RBFOX1: variants seen among roughly 807,000 people sequenced by gnomAD.
The protein encoded by RBFOX1 is RNA binding protein fox-1 homolog 1.
A neutral mutation model predicts 57.7 loss-of-function variants in RBFOX1; 8 were observed. The observed-to-expected ratio is 0.14, with a 90% confidence interval of 0.08 to 0.25. The LOEUF is 0.25. RBFOX1 is among the 10% of genes least tolerant of loss of function. The pLI, the probability that RBFOX1 is intolerant of heterozygous loss-of-function variation, is 1.00. For missense variants in RBFOX1, 611 were observed against 548.5 expected (o/e 1.11, Z -1.14); for synonymous variants, 326 against 222.4 (o/e 1.47, Z -4.15).
chr16:5,504,613 G>A (rs1195260978), intron 2 of RBFOX1, among the ~76,000 whole-genome samples: 10 of 152,208 alleles, frequency 6.6e-5, no homozygotes, highest in Non-Finnish European at 1.3e-4. Flanking sequence ...TTGGCTCCCA[G>A]CAAGTAAACC....
chr16:7,380,093 A>C (rs886213740), intron 4 of RBFOX1, among the ~76,000 whole-genome samples: 1 of 152,130 alleles, frequency 6.6e-6, no homozygotes, highest in Non-Finnish European at 1.5e-5. Context: ...CTTGGCCTCA[A>C]GTAGTCCTCT....
intron 3 of RBFOX1, among the ~76,000 whole-genome samples, chr16:6,761,259 G>A (rs535240376): frequency 2.1e-4 from 32 of 152,142 alleles, no homozygotes; most frequent in South Asian, 1.7e-3. Context: ...AATTTAATCC[G>A]TCCGAAGGGC....
At chr16:6,636,071 T>G (rs141343113) in intron 2 of RBFOX1, among the ~76,000 whole-genome samples, 1 of 152,210 alleles carries the variant, frequency 6.6e-6, no homozygotes, top group African/African-American at 2.4e-5. Context: ...GTATTTTGAC[T>G]GCAGTCCATC....
rs141032312 is a variant in RBFOX1, at chr16:7,699,821, C to A, written c.996-9235C>A. Among the ~76,000 whole-genome samples, 418 of 152,032 alleles carry A rather than the reference C, an allele frequency of 2.7e-3. 2 individuals carry two copies. Among genetic ancestry groups the A allele is most frequent in the African/African-American group, 9.5e-3 (394 of 41,476 alleles). On this transcript the variant is annotated intron_variant, in intron 14 of 15. Transcript: ENST00000550418. ...TGGCTTTTATTATGTTTCTCTCAAT[C>A]CCATTTTAGAACCACATTTTTCATT... is the stretch of plus-strand genomic sequence containing the variant.
intron 2 of RBFOX1, among the ~76,000 whole-genome samples, chr16:6,572,442 G>A (rs953193462): frequency 1.3e-5 from 2 of 152,100 alleles, no homozygotes; most frequent in African/African-American, 4.8e-5. Context: ...CCTTTGTTGG[G>A]CTCTTATCTA....
chr16:6,866,130 C>A (rs1389431845), intron 3 of RBFOX1, among the ~76,000 whole-genome samples: 1 of 152,082 alleles, frequency 6.6e-6, no homozygotes, highest in South Asian at 2.1e-4. Context: ...TTCCCCAGCT[C>A]TTTTTCTATC....
intron 1 of RBFOX1, among the ~76,000 whole-genome samples, chr16:6,029,978 A>G (rs1037401624): frequency 1.3e-5 from 2 of 152,010 alleles, no homozygotes; most frequent in African/African-American, 4.8e-5. Context: ...CAGTGATGCA[A>G]TCATGTCTCA....
rs1202677249 is a variant in RBFOX1 at position 5,946,090 on chromosome 16, C to G, written c.351+78755C>G. ...GACAGGGTTTTAATTAGTGGACTGACTTACCCGCTATTCTTGTCTTTTTAA... is the reference window on the plus strand; with the variant it reads ...GACAGGGTTTTAATTAGTGGACTGAGTTACCCGCTATTCTTGTCTTTTTAA... On this transcript the variant is annotated intron_variant, in intron 4 of 19. Transcript: ENST00000641259. The surrounding 1 kb of genome is among the most constrained non-coding windows in gnomAD (Gnocchi z 4.6). Among the ~76,000 whole-genome samples, 1 of 152,182 alleles carries G rather than the reference C, an allele frequency of 6.6e-6. No homozygotes were observed. Among genetic ancestry groups the G allele is most frequent in the East Asian group, 1.9e-4 (1 of 5,196 alleles).
intron 3 of RBFOX1, among the ~76,000 whole-genome samples, chr16:6,815,217 A>T (rs2089801621): frequency 6.6e-6 from 1 of 152,142 alleles, no homozygotes; most frequent in African/African-American, 2.4e-5. Flanking sequence ...TATAGTGAAG[A>T]GTGAGGATGA....
At chr16:6,896,270 CAT>C (rs1181714883) in intron 3 of RBFOX1, among the ~76,000 whole-genome samples, 1 of 152,134 alleles carries the variant, frequency 6.6e-6, no homozygotes, top group African/African-American at 2.4e-5. Flanking sequence ...CAAAACAAAA[CAT>C]AAAACAGTTT....
chr16:7,337,315 G>A (rs987810743), intron 4 of RBFOX1, among the ~76,000 whole-genome samples: 1 of 152,174 alleles, frequency 6.6e-6, no homozygotes, highest in East Asian at 1.9e-4. Context: ...CTTAGAGTCG[G>A]GAAGAGGGTG....
intron 2 of RBFOX1, chr16:5,467,317 G>A (rs2068984452): frequency 2.8e-6 from 4 of 1,427,206 alleles, no homozygotes; most frequent in Non-Finnish European, 3.8e-6. Flanking sequence ...GAAAGCAATA[G>A]AAAAATCTTG....
intron 2 of RBFOX1, among the ~76,000 whole-genome samples, chr16:6,385,473 C>T (rs567014511): frequency 1.3e-5 from 2 of 152,342 alleles, no homozygotes; most frequent in East Asian, 3.9e-4. Context: ...GATTCTCCTG[C>T]CTCTGCCTCC....
At chr16:7,163,311 C>A (rs927028034) in intron 4 of RBFOX1, among the ~76,000 whole-genome samples, 1 of 152,050 alleles carries the variant, frequency 6.6e-6, no homozygotes, top group African/African-American at 2.4e-5. Flanking sequence ...GAGCCCTTGT[C>A]CCCTGGTGAT....
At chr16:6,410,666 A>G (rs2093430975) in intron 2 of RBFOX1, among the ~76,000 whole-genome samples, 1 of 152,176 alleles carries the variant, frequency 6.6e-6, no homozygotes, top group Non-Finnish European at 1.5e-5. Flanking sequence ...GCGGAAGCAC[A>G]CTGATGTTGC....
intron 3 of RBFOX1, among the ~76,000 whole-genome samples, chr16:6,864,128 T>A (rs970420671): frequency 6.6e-6 from 1 of 152,096 alleles, no homozygotes; most frequent in African/African-American, 2.4e-5. Flanking sequence ...GGAGTCTCTT[T>A]AGCAGGAAGA....
intron 3 of RBFOX1, among the ~76,000 whole-genome samples, chr16:5,666,684 G>C (rs2049855669): frequency 6.6e-6 from 1 of 152,202 alleles, no homozygotes; most frequent in Non-Finnish European, 1.5e-5. Flanking sequence ...AGAATGTGAA[G>C]GATGAGCTCT....
At chr16:7,372,479 C>G (rs9927168) in intron 4 of RBFOX1, among the ~76,000 whole-genome samples, 86,757 of 151,956 alleles carry the variant, frequency 0.57, 25,261 homozygotes, top group African/African-American at 0.67. Context: ...CTCATTGAAG[C>G]CTGTGGCCAT....
intron 1 of RBFOX1, among the ~76,000 whole-genome samples, chr16:6,210,333 A>G (rs1248354142): frequency 1.7e-5 from 2 of 114,402 alleles, no homozygotes; most frequent in South Asian, 5.8e-4. Flanking sequence ...AAAAAACAAA[A>G]AAACAAAAAA....
Sources: gnomAD v4.1 joint callset for allele counts (sites outside exome capture counted in the v4.1 genomes callset) on GRCh38, gnomAD v4.1.1 for gene constraint, Gnocchi (gnomAD v3.1) non-coding constraint, MANE v1.5 for transcripts, NCBI Gene and HGNC (gene_info 2026-07-23, HGNC 2026-07-21) for gene names.